ORC2: variants seen among roughly 807,000 people sequenced by gnomAD.
ORC2 encodes the protein origin recognition complex subunit 2, also known as origin recognition complex protein 2 homolog.
ORC2 carries 37 observed loss-of-function variants against 77.7 expected under a neutral mutation model. That is an observed-to-expected ratio of 0.48 (90% CI 0.37 to 0.63). The LOEUF is 0.63. Among genes scored for constraint, ORC2 ranks in the 20% least tolerant of loss-of-function variants. ORC2 has a pLI of 0.00. For missense variants in ORC2, 557 were observed against 661.9 expected (o/e 0.84, Z 1.74); for synonymous variants, 201 against 229.5 (o/e 0.88, Z 1.12).
intron 13 of ORC2, among the ~76,000 whole-genome samples, chr2:200,921,938 A>G (rs1457970689): frequency 6.6e-6 from 1 of 151,988 alleles, no homozygotes; most frequent in Non-Finnish European, 1.5e-5. Flanking sequence ...TGCTCAGCCT[A>G]AAGAAAGCAG....
intron 13 of ORC2, among the ~76,000 whole-genome samples, chr2:200,924,302 G>A (rs1420772597): frequency 6.6e-6 from 1 of 151,880 alleles, no homozygotes; most frequent in African/African-American, 2.4e-5. Flanking sequence ...AGCTGTGTTT[G>A]TGCCACTGGA....
intron 2 of ORC2, among the ~76,000 whole-genome samples, chr2:200,958,619 A>G (rs2041515952): frequency 6.6e-6 from 1 of 152,198 alleles, no homozygotes; most frequent in African/African-American, 2.4e-5. Context: ...CTAAGCCTGG[A>G]TCAAAAAACC....
chr2:200,930,270 A>G (rs906347037), intron 11 of ORC2, among the ~76,000 whole-genome samples: 5 of 152,264 alleles, frequency 3.3e-5, no homozygotes, highest in African/African-American at 1.2e-4. Flanking sequence ...GCAGAAATAA[A>G]GAGGCAAGGA....
At chr2:200,940,038 G>A (rs527793876) in intron 7 of ORC2, among the ~76,000 whole-genome samples, 1 of 152,250 alleles carries the variant, frequency 6.6e-6, no homozygotes, top group South Asian at 2.1e-4. Flanking sequence ...TACTGACTGT[G>A]GAGACAAAAG....
chr2:200,925,865 A>G lies in ORC2; in HGVS notation c.1118T>C (p.Leu373Pro). The change falls in exon 13 of 18, where the codon CTA (leucine) becomes CCA (proline). Residue 373 changes from leucine (L) to proline (P), a missense_variant. Physicochemically the swap from Leu to Pro is moderately conservative, Grantham distance 98 (BLOSUM62 -3). Coordinates refer to ENST00000234296, the MANE Select transcript of ORC2 (RefSeq NM_006190.5). ...MGTFRSILDQ[L>P]DWIVNKFKED... ...TTTAAATTTGTTTACTATCCAGTCT[A>G]GCTGATCCAGTATACTGCGGAAAGT... The G allele has an allele frequency of 6.3e-7, 1 of 1,594,842 alleles. No individual in the cohort carries two copies. Among genetic ancestry groups the G allele is most frequent in the Non-Finnish European group, 8.6e-7 (1 of 1,164,646 alleles).
intron 1 of ORC2, among the ~76,000 whole-genome samples, chr2:200,961,294 G>C (rs1453635729): frequency 6.6e-6 from 1 of 152,014 alleles, no homozygotes; most frequent in African/African-American, 2.4e-5. Flanking sequence ...TGAACAGGTG[G>C]GACTACAGGC....
rs2040734777 is a variant in ORC2 at position 200,920,354 on chromosome 2, C to T, written c.1334G>A (p.Trp445Ter). The change falls in exon 15 of 18, where the codon TGG becomes TAG. Residue 445 changes from tryptophan (W) to a stop codon, truncating the protein, a stop_gained. Transcript: ENST00000234296. LOFTEE classifies it high-confidence loss of function. ...HAKQSLFNWL[W>*]YETTTYSPYT... ...AGGACTGTATGTAGTAGTTTCATAC[C>T]AGAGCCAGTTAAAAAGACTCTGCTT... 6.2e-7 allele frequency: 1 copy of T among 1,607,802 alleles called. No homozygotes were observed. Among genetic ancestry groups the T allele is most frequent in the African/African-American group, 1.3e-5 (1 of 74,812 alleles).
At chr2:200,929,963 A>T (rs747441399) in intron 11 of ORC2, among the ~76,000 whole-genome samples, 7 of 152,188 alleles carry the variant, frequency 4.6e-5, no homozygotes, top group African/African-American at 1.7e-4. Flanking sequence ...ACCCAAGTAT[A>T]AACTTCTAAT....
At chr2:200,913,847 C>G in intron 16 of ORC2, 84 bp downstream of exon 16, 2 of 1,487,172 alleles carry the variant, frequency 1.3e-6, no homozygotes, top group Middle Eastern at 1.8e-4. Flanking sequence ...TGAAAAACTG[C>G]ACTGCTGTCA....
chr2:200,914,474 T>A (rs1014552105), intron 15 of ORC2, among the ~76,000 whole-genome samples: 1 of 152,204 alleles, frequency 6.6e-6, no homozygotes, highest in Non-Finnish European at 1.5e-5. Context: ...CCCGCTTTTT[T>A]ATTTCTTCTA....
chr2:200,926,685 T>A, intron 12 of ORC2, 83 bp downstream of exon 12: 1 of 1,423,192 alleles, frequency 7.0e-7, no homozygotes, highest in Non-Finnish European at 9.7e-7. Context: ...ACAAAAATTC[T>A]TTAATACTCC....
intron 7 of ORC2, among the ~76,000 whole-genome samples, chr2:200,940,588 G>GGTC (rs2041129536): frequency 6.6e-6 from 1 of 151,736 alleles, no homozygotes; most frequent in African/African-American, 2.4e-5. Context: ...GATCACTTGA[G>GGTC]GTCAGGAGTT....
At chr2:200,932,920 G>T (rs2040968349) in intron 10 of ORC2, among the ~76,000 whole-genome samples, 1 of 152,176 alleles carries the variant, frequency 6.6e-6, no homozygotes, top group South Asian at 2.1e-4. Context: ...ACATGCTACT[G>T]AAGATTGTAT....
At chr2:200,938,086 G>A in intron 7 of ORC2, 120 bp from the exon 8 acceptor site, 1 of 628,202 alleles carries the variant, frequency 1.6e-6, no homozygotes, top group South Asian at 2.0e-5. Context: ...AGAACTAGAT[G>A]AGCTTAGTTC....
intron 15 of ORC2, among the ~76,000 whole-genome samples, chr2:200,916,196 C>G (rs912774365): frequency 6.6e-6 from 1 of 152,070 alleles, no homozygotes; most frequent in Non-Finnish European, 1.5e-5. Flanking sequence ...AAAATACTTG[C>G]ATTAGACTGG....
chr2:200,923,726 G>A (rs186638089), intron 13 of ORC2, among the ~76,000 whole-genome samples: 15 of 152,058 alleles, frequency 9.9e-5, no homozygotes, highest in African/African-American at 2.4e-4. Context: ...CTATGCTTGC[G>A]GGCCATTTTA....
chr2:200,935,902 G>C lies in ORC2; in HGVS notation c.515-10C>G, dbSNP rs754515000. On this transcript the variant is annotated splice_polypyrimidine_tract_variant and intron_variant, in intron 8 of 17. Transcript: ENST00000234296. ...GAATGAGACCTTGGAACTGTGGGGG[G>C]AAAAATAGCAATTTGGACAATTTCA... The C allele has an allele frequency of 1.9e-6, 3 of 1,607,052 alleles. No homozygotes were observed. The highest frequency in any genetic ancestry group is 1.1e-5 in the South Asian group (1 of 89,940).
chr2:200,946,607 T>C (rs1466433576), intron 5 of ORC2, among the ~76,000 whole-genome samples: 1 of 152,194 alleles, frequency 6.6e-6, no homozygotes, highest in Non-Finnish European at 1.5e-5. Context: ...AGAATGAGGA[T>C]AATATTCCAG....
chr2:200,943,243 T>C (rs1163304189), intron 5 of ORC2: 1 of 152,374 alleles, frequency 6.6e-6, no homozygotes, highest in East Asian at 1.9e-4. Flanking sequence ...TGCCAAAAAG[T>C]CTATAATACA....
Sources: gnomAD v4.1 joint callset for allele counts (sites outside exome capture counted in the v4.1 genomes callset) on GRCh38, gnomAD v4.1.1 for gene constraint, MANE v1.5 for transcripts, NCBI Gene and HGNC (gene_info 2026-07-23, HGNC 2026-07-21) for gene names.